Variants in COLGALT1 observed in about 807,000 individuals in gnomAD.
COLGALT1 encodes procollagen galactosyltransferase 1.
A neutral mutation model predicts 60.8 loss-of-function variants in COLGALT1; 43 were observed. The observed-to-expected ratio is 0.71, with a 90% CI of 0.55 to 0.91. The LOEUF (loss-of-function observed/expected upper bound fraction) is 0.91. Ranked by LOEUF, COLGALT1 falls within the 40% of genes least tolerant of loss-of-function variation. COLGALT1 has a pLI of 0.00. For missense variants in COLGALT1, 845 were observed against 880.0 expected (o/e 0.96, Z 0.50); for synonymous variants, 369 against 374.2 (o/e 0.99, Z 0.16).
chr19:17,571,867 C>T (rs2076314750), intron 5 of COLGALT1: 1 of 151,636 alleles, frequency 6.6e-6, no homozygotes, highest in African/African-American at 2.4e-5. Context: ...GTTTTTGAGA[C>T]AGGGCCTTGC....
chr19:17,559,108 C>T (rs2076232806), intron 1 of COLGALT1, among the ~76,000 whole-genome samples: 2 of 151,898 alleles, frequency 1.3e-5, no homozygotes, highest in Admixed American at 6.6e-5. Context: ...TGCAGTGAGC[C>T]GAGATCGCGC....
At chr19:17,579,114 G>A (rs1024183553) in intron 9 of COLGALT1, among the ~76,000 whole-genome samples, 5 of 151,634 alleles carry the variant, frequency 3.3e-5, no homozygotes, top group African/African-American at 1.2e-4. Context: ...GGAGGTTGCA[G>A]TTGAGATCGT....
At position 17,567,338 on chromosome 19, in the gene COLGALT1, G is replaced by T; in HGVS notation, c.490-68G>T. On this transcript the variant is annotated intron_variant, in intron 3 of 11. Transcript: ENST00000252599. ...CCAGACCCCCAGGGCACTGGCCTTTGCCCCAGCTGTTCTGAATGGTAGCCT... is the reference window on the plus strand; with the variant it reads ...CCAGACCCCCAGGGCACTGGCCTTTTCCCCAGCTGTTCTGAATGGTAGCCT... The T allele has an allele frequency of 6.3e-7, 1 of 1,595,040 alleles. No homozygotes were observed. The highest frequency in any genetic ancestry group is 1.1e-5 in the South Asian group (1 of 90,032).
intron 3 of COLGALT1, among the ~76,000 whole-genome samples, chr19:17,564,062 C>CG (rs1178709209): frequency 8.4e-6 from 1 of 119,728 alleles, no homozygotes; most frequent in African/African-American, 2.9e-5. Flanking sequence ...ATAGTGAGAC[C>CG]CCCCCCATCT....
At chr19:17,568,060 A>G (rs563444274) in intron 4 of COLGALT1, among the ~76,000 whole-genome samples, 1 of 152,282 alleles carries the variant, frequency 6.6e-6, no homozygotes, top group South Asian at 2.1e-4. Context: ...GCTATTCCAG[A>G]GGTGGAAACA....
Position 17,581,511 on chromosome 19 carries a change from C to A in COLGALT1, c.*67C>A, listed in dbSNP as rs561662387. On this transcript the variant is annotated 3_prime_UTR_variant, in exon 12 of 12. Transcript: ENST00000252599. ...GGCTCCACGTGCTTACTGAGGACAT[C>A]AGGTCCACCTCTGGACCCCTTGGCA... is the stretch of plus-strand genomic sequence containing the variant. The A allele has an allele frequency of 1.9e-6, 3 of 1,545,034 alleles. No homozygotes were observed. The East Asian group carries it at 6.9e-5, about 35-fold the overall frequency.
intron 3 of COLGALT1, chr19:17,565,995 C>T (rs6512202): frequency 0.88 from 133,877 of 152,160 alleles, 59,263 homozygotes; most frequent in Middle Eastern, 0.97. Flanking sequence ...TGTTGTTGTT[C>T]ATGGCAGTTA....
At chr19:17,572,828 C>T (rs1160859021) in intron 6 of COLGALT1, among the ~76,000 whole-genome samples, 2 of 152,268 alleles carry the variant, frequency 1.3e-5, no homozygotes, top group African/African-American at 2.4e-5. Flanking sequence ...GTCGGGTGGG[C>T]TTCCTGGAGG....
Position 17,579,475 on chromosome 19 carries a change from C to T in COLGALT1, c.1267-7C>T. The T allele has an allele frequency of 6.2e-7, 1 of 1,613,560 alleles. No individual in the cohort carries two copies. The highest frequency in any genetic ancestry group is 8.5e-7 in the Non-Finnish European group (1 of 1,179,682). On this transcript the variant is annotated splice_polypyrimidine_tract_variant and splice_region_variant and intron_variant, in intron 9 of 11. Coordinates refer to ENST00000252599, the MANE Select transcript of COLGALT1 (RefSeq NM_024656.4). ...TCCCTGTGATGTGGCGGGGCTTCCT[C>T]CCTCAGGTGGTGGACCGGGGGCTGC...
intron 1 of COLGALT1, among the ~76,000 whole-genome samples, chr19:17,557,644 C>T (rs2082001): frequency 0.27 from 40,946 of 152,060 alleles, 5,893 homozygotes; most frequent in African/African-American, 0.36. Context: ...ATCTGTCGCC[C>T]AGGCGGGAGT....
At position 17,558,140 on chromosome 19, in the gene COLGALT1, T is replaced by C. The variant is rs2076224558; in HGVS notation, c.261-1171T>C. ...TTTTAGTAGAGATGGGATTTCACCA[T>C]GTTGGCCAGGCTAGGCTCAAACTCC... On this transcript the variant is annotated intron_variant, in intron 1 of 11. Transcript: ENST00000252599. Among the ~76,000 whole-genome samples, 5 of 151,782 alleles carry C rather than the reference T, an allele frequency of 3.3e-5. No individual in the cohort carries two copies. In the South Asian group the frequency reaches 1.0e-3, roughly 32 times the overall value.
intron 3 of COLGALT1, chr19:17,565,894 C>T (rs1436297606): frequency 6.6e-6 from 1 of 152,150 alleles, no homozygotes. Flanking sequence ...AGGGCTTGTC[C>T]TAAGACCCAG....
chr19:17,567,506 C>G lies in COLGALT1; in HGVS notation c.590C>G (p.Ala197Gly), dbSNP rs761108171. 6.2e-7 allele frequency: 1 copy of G among 1,613,664 alleles called. No individual in the cohort carries two copies. Among genetic ancestry groups the G allele is most frequent in the Non-Finnish European group, 8.5e-7 (1 of 1,179,854 alleles). Residue 197 changes from alanine to glycine, a missense_variant, in exon 4 of 12, where the codon GCG becomes GGG. Physicochemically the swap from Ala to Gly is moderately conservative, Grantham distance 60. Coordinates refer to ENST00000252599, the MANE Select transcript of COLGALT1 (RefSeq NM_024656.4). Reference sequence around the variant, plus strand: ...GCCCCCATGCTGGATTCCCGGGCTGCGTACTCCAACTTCTGGTGTGGAATG... The same window carrying G: ...GCCCCCATGCTGGATTCCCGGGCTGGGTACTCCAACTTCTGGTGTGGAATG... ...VVAPMLDSRA[A>G]YSNFWCGMTS...
intron 5 of COLGALT1, among the ~76,000 whole-genome samples, chr19:17,571,525 C>A (rs1362080281): frequency 6.6e-6 from 1 of 151,774 alleles, no homozygotes; most frequent in Non-Finnish European, 1.5e-5. Context: ...ACCAGCCTGG[C>A]CAACGTGGTG....
chr19:17,579,044 A>C (rs1215937299), intron 9 of COLGALT1, among the ~76,000 whole-genome samples: 1 of 151,704 alleles, frequency 6.6e-6, no homozygotes, highest in Non-Finnish European at 1.5e-5. Flanking sequence ...GCGTAGTGGC[A>C]CATGCCTGTA....
intron 5 of COLGALT1, among the ~76,000 whole-genome samples, chr19:17,570,053 C>T (rs2144831589): frequency 6.6e-6 from 1 of 152,090 alleles, no homozygotes; most frequent in Middle Eastern, 3.4e-3. Context: ...AGCCACCAGG[C>T]CCGGCTAATT....
chr19:17,555,765 C>T lies in COLGALT1; in HGVS notation c.52C>T (p.Leu18=). The T allele has an allele frequency of 8.1e-7, 1 of 1,228,446 alleles. No individual in the cohort carries two copies. Among genetic ancestry groups the T allele is most frequent in the Non-Finnish European group, 1.0e-6 (1 of 986,088 alleles). 76.1% of individuals were successfully genotyped at this position (1,228,446 alleles called of 1,614,324 possible). A position where few individuals can be genotyped will look rare whatever the true frequency, so the allele number is the denominator to read the frequency against. The change falls in exon 1 of 12, where the codon CTG becomes TTG. Residue 18 remains leucine (L), a synonymous_variant. Transcript: ENST00000252599. ...GCGGCGCGGGCAGCCGCTCCTGGCG[C>T]TGCTGCTTCTGCTGCTGGCGCCACT... ...GRRRGQPLLA[L]LLLLLAPLPP... is the part of the protein sequence containing the mutation.
chr19:17,557,733 C>G (rs992212196), intron 1 of COLGALT1, among the ~76,000 whole-genome samples: 3 of 152,230 alleles, frequency 2.0e-5, no homozygotes, highest in East Asian at 3.9e-4. Flanking sequence ...TCTTGAGTAA[C>G]TGGGACTACA....
chr19:17,572,139 G>A (rs747189005), intron 5 of COLGALT1, among the ~76,000 whole-genome samples: 20 of 151,500 alleles, frequency 1.3e-4, no homozygotes, highest in Non-Finnish European at 1.9e-4. Flanking sequence ...ATGAAACCCC[G>A]TCTCTACAAA....
Sources: allele counts gnomAD v4.1 joint callset (sites outside exome capture counted in the v4.1 genomes callset), GRCh38; gene constraint gnomAD v4.1.1; transcripts MANE v1.5; gene names NCBI Gene and HGNC (gene_info 2026-07-23, HGNC 2026-07-21).